The following NFASC variants were observed in gnomAD, a reference collection of about 807,000 sequenced individuals.
The protein encoded by NFASC is neurofascin.
A neutral mutation model predicts 147.5 loss-of-function variants in NFASC; 43 were observed. That is an observed-to-expected ratio of 0.29 (90% confidence interval 0.23 to 0.38). The LOEUF (loss-of-function observed/expected upper bound fraction) is 0.38. Among genes scored for constraint, NFASC ranks in the 10% least tolerant of loss-of-function variants. The pLI is 1.00. For synonymous variants in NFASC, 622 were observed against 665.5 expected (o/e 0.93, Z 1.01); for missense variants, 1,320 against 1,689.0 (o/e 0.78, Z 3.83).
intron 2 of NFASC, among the ~76,000 whole-genome samples, chr1:204,942,143 T>C (rs1220356402): frequency 6.6e-6 from 1 of 152,072 alleles, no homozygotes; most frequent in Non-Finnish European, 1.5e-5. Flanking sequence ...TTCATTTTCA[T>C]AGGGGAGATA....
At chr1:204,889,681 G>T (rs956390220) in intron 1 of NFASC, among the ~76,000 whole-genome samples, 1 of 152,204 alleles carries the variant, frequency 6.6e-6, no homozygotes, top group African/African-American at 2.4e-5. Context: ...TCCGCCCCCA[G>T]TGTGCAATAT....
At chr1:204,901,099 T>G (rs1307748920) in intron 1 of NFASC, among the ~76,000 whole-genome samples, 2 of 152,000 alleles carry the variant, frequency 1.3e-5, no homozygotes, top group Non-Finnish European at 2.9e-5. Context: ...GGAAAGGCTG[T>G]GTGTGGTGGG....
chr1:204,893,983 G>A (rs552526302), intron 1 of NFASC, among the ~76,000 whole-genome samples: 1 of 152,326 alleles, frequency 6.6e-6, no homozygotes, highest in East Asian at 1.9e-4. Context: ...CTGGATGTAG[G>A]TGCTTTCAGA....
intron 1 of NFASC, among the ~76,000 whole-genome samples, chr1:204,834,065 G>A (rs2102382269): frequency 6.6e-6 from 1 of 152,256 alleles, no homozygotes; most frequent in Non-Finnish European, 1.5e-5. Flanking sequence ...GAGAAGCAGA[G>A]GGTATTCTAG....
chr1:204,838,011 C>G (rs958151583), intron 1 of NFASC, among the ~76,000 whole-genome samples: 6 of 152,114 alleles, frequency 3.9e-5, no homozygotes, highest in African/African-American at 1.4e-4. Context: ...ATTCAGCATC[C>G]CACAGAACAC....
At chr1:204,863,458 AT>A (rs2076834867) in intron 1 of NFASC, among the ~76,000 whole-genome samples, 1 of 152,232 alleles carries the variant, frequency 6.6e-6, no homozygotes, top group Non-Finnish European at 1.5e-5. Context: ...TATTTCAACC[AT>A]TTTGTAGACA....
intron 2 of NFASC, among the ~76,000 whole-genome samples, chr1:204,940,447 T>C (rs1333132936): frequency 6.6e-6 from 1 of 152,186 alleles, no homozygotes; most frequent in African/African-American, 2.4e-5. Context: ...AGTGAGATTC[T>C]GTCTCAAAAA....
rs368145845 is a variant in NFASC, at chr1:204,950,592, C to G, written c.109+18C>G. ...GAATGAGCGTAAGTGCCCTGTGTGC[C>G]TCTCTGTGCCTCTGGGAGTTGGGAG... On this transcript the variant is annotated intron_variant, in intron 4 of 29. Transcript: ENST00000339876. 2.9e-5 allele frequency: 47 copies of G among 1,610,576 alleles called. No homozygotes were observed. The highest frequency in any genetic ancestry group is 3.9e-5 in the Non-Finnish European group (46 of 1,178,090).
intron 1 of NFASC, among the ~76,000 whole-genome samples, chr1:204,838,619 T>C (rs1053598941): frequency 6.6e-6 from 1 of 152,194 alleles, no homozygotes; most frequent in African/African-American, 2.4e-5. Context: ...ATGTAGTGTT[T>C]ATGGCCCTGA....
intron 2 of NFASC, among the ~76,000 whole-genome samples, chr1:204,921,493 C>T (rs1048140579): frequency 1.4e-4 from 22 of 152,174 alleles, no homozygotes; most frequent in African/African-American, 3.4e-4. Flanking sequence ...GTGTCTTTCT[C>T]ACTCCACCTC....
chr1:204,939,770 GCCTGTC>G (rs1374714771), intron 2 of NFASC, among the ~76,000 whole-genome samples: 1 of 152,284 alleles, frequency 6.6e-6, no homozygotes, highest in Non-Finnish European at 1.5e-5. Flanking sequence ...AGGCTAGCAA[GCCTGTC>G]CCTTTCACCT....
At chr1:204,919,689 C>T (rs1322085942) in intron 1 of NFASC, among the ~76,000 whole-genome samples, 3 of 151,978 alleles carry the variant, frequency 2.0e-5, no homozygotes, top group East Asian at 1.9e-4. Flanking sequence ...AGTGCAGTTG[C>T]GCAATCTTGG....
intron 2 of NFASC, among the ~76,000 whole-genome samples, chr1:204,925,396 T>G (rs1216782088): frequency 6.6e-6 from 1 of 152,208 alleles, no homozygotes; most frequent in Non-Finnish European, 1.5e-5. Context: ...GCAAGTCACA[T>G]GTGCCAGCTG....
chr1:205,014,063 A>G (rs1301317658), intron 29 of NFASC, among the ~76,000 whole-genome samples: 1 of 152,138 alleles, frequency 6.6e-6, no homozygotes, highest in African/African-American at 2.4e-5. Context: ...TTTTTGTTCC[A>G]AAAGCCACAG....
chr1:204,861,686 T>C (rs1208354002), intron 1 of NFASC, among the ~76,000 whole-genome samples: 2 of 152,152 alleles, frequency 1.3e-5, no homozygotes, highest in African/African-American at 4.8e-5. Context: ...AGACGGGGTT[T>C]CACCATGTTA....
intron 1 of NFASC, among the ~76,000 whole-genome samples, chr1:204,852,942 A>G (rs2075826369): frequency 6.6e-6 from 1 of 152,166 alleles, no homozygotes; most frequent in African/African-American, 2.4e-5. Context: ...GGCAAGTCCC[A>G]TGGACTTGAA....
At chr1:204,950,087 A>G (rs964082354) in intron 3 of NFASC, among the ~76,000 whole-genome samples, 15 of 152,202 alleles carry the variant, frequency 9.9e-5, no homozygotes, top group Non-Finnish European at 1.2e-4. Context: ...GAGGCCTTGG[A>G]GCTTTGCTCT....
chr1:204,837,748 A>C (rs1041454737), intron 1 of NFASC, among the ~76,000 whole-genome samples: 1 of 152,102 alleles, frequency 6.6e-6, no homozygotes, highest in African/African-American at 2.4e-5. Flanking sequence ...GAATGCTTAC[A>C]ACCAGCCAAG....
chr1:204,973,289 C>T lies in NFASC; in HGVS notation c.1149C>T (p.Asn383=). The change falls in exon 12 of 30, where the codon AAC becomes AAT. Residue 383 remains asparagine (N), a synonymous_variant. Transcript: ENST00000339876. ...TCTTGTCTGTAGCGGCACCACCTAA[C>T]CCAAACCGTGAGGTGGCCGGAGACA... ...NGEPLQSAPP[N]PNREVAGDTI... is the part of the protein sequence containing the mutation. 6.2e-7 allele frequency: 1 copy of T among 1,614,220 alleles called. No homozygotes were observed. The highest frequency in any genetic ancestry group is 8.5e-7 in the Non-Finnish European group (1 of 1,180,038).
Sources: gnomAD v4.1 joint callset for allele counts (sites outside exome capture counted in the v4.1 genomes callset) on GRCh38, gnomAD v4.1.1 for gene constraint, MANE v1.5 for transcripts, NCBI Gene and HGNC (gene_info 2026-07-23, HGNC 2026-07-21) for gene names.